The following ABTB3 variants were observed in gnomAD, a reference collection of about 807,000 sequenced individuals.
ABTB3 encodes ankyrin repeat- and BTB/POZ domain-containing protein 3.
At chr12:107,419,940 T>A in the ABTB3 span, among the ~76,000 whole-genome samples, 2 of 152,058 alleles carry the variant, frequency 1.3e-5, no homozygotes, top group Non-Finnish European at 2.9e-5. Flanking sequence ...GGCGGAGTGG[T>A]ATGGATCAAG....
chr12:107,573,375 A>G, the ABTB3 span, among the ~76,000 whole-genome samples: 1 of 152,164 alleles, frequency 6.6e-6, no homozygotes, highest in Non-Finnish European at 1.5e-5. Flanking sequence ...ATGTGTGTAC[A>G]TGTTGGCGGA....
the ABTB3 span, among the ~76,000 whole-genome samples, chr12:107,384,222 C>A: frequency 1.5e-5 from 2 of 137,700 alleles, no homozygotes; most frequent in African/African-American, 2.6e-5. Context: ...AGGTAGAAAC[C>A]AATTTTACAA....
chr12:107,412,070 G>A, the ABTB3 span, among the ~76,000 whole-genome samples: 1 of 152,172 alleles, frequency 6.6e-6, no homozygotes, highest in African/African-American at 2.4e-5. Context: ...GTTTAGGAAT[G>A]GTGGATCTTA....
the ABTB3 span, among the ~76,000 whole-genome samples, chr12:107,573,755 G>A: frequency 7.9e-5 from 12 of 152,152 alleles, no homozygotes; most frequent in African/African-American, 2.7e-4. Flanking sequence ...GTATTCGACT[G>A]GCAGAATTCT....
chr12:107,360,269 T>G, the ABTB3 span, among the ~76,000 whole-genome samples: 3 of 152,066 alleles, frequency 2.0e-5, no homozygotes, highest in African/African-American at 4.8e-5. Flanking sequence ...CAGAAAGAGA[T>G]AGTAAGTGGT....
At chr12:107,321,414 C>A in the ABTB3 span, among the ~76,000 whole-genome samples, 1 of 152,128 alleles carries the variant, frequency 6.6e-6, no homozygotes, top group Non-Finnish European at 1.5e-5. Context: ...CTGCCGCCCT[C>A]GGTCCCTTCA....
chr12:107,551,950 C>T, the ABTB3 span, among the ~76,000 whole-genome samples: 1 of 152,186 alleles, frequency 6.6e-6, no homozygotes. Flanking sequence ...TGGGGTTTCA[C>T]CATGTTGGTC....
At chr12:107,362,208 T>C in the ABTB3 span, among the ~76,000 whole-genome samples, 4 of 152,354 alleles carry the variant, frequency 2.6e-5, no homozygotes, top group South Asian at 8.3e-4. Context: ...CAGATGTAAG[T>C]ACCTACTCAT....
At chr12:107,504,666 C>G in the ABTB3 span, among the ~76,000 whole-genome samples, 1 of 152,134 alleles carries the variant, frequency 6.6e-6, no homozygotes, top group African/African-American at 2.4e-5. Context: ...TATAAATGAT[C>G]CTGGTACTCT....
At chr12:107,482,918 T>TTCTC in the ABTB3 span, among the ~76,000 whole-genome samples, 5 of 34,834 alleles carry the variant, frequency 1.4e-4, no homozygotes, top group African/African-American at 7.3e-4. Flanking sequence ...TTCTTCTTCT[T>TTCTC]TCTTTCTTTC....
chr12:107,564,138 T>TC, the ABTB3 span, among the ~76,000 whole-genome samples: 1 of 86,670 alleles, frequency 1.2e-5, no homozygotes, highest in African/African-American at 5.0e-5. Flanking sequence ...GTGTGTGTGT[T>TC]TGGCTAATCA....
the ABTB3 span, among the ~76,000 whole-genome samples, chr12:107,472,989 T>C: frequency 6.6e-6 from 1 of 152,082 alleles, no homozygotes; most frequent in Non-Finnish European, 1.5e-5. Context: ...GTCCTTGCTT[T>C]ATAGAGGAAG....
chr12:107,535,413 G>A, the ABTB3 span, among the ~76,000 whole-genome samples: 2 of 152,072 alleles, frequency 1.3e-5, no homozygotes, highest in African/African-American at 4.8e-5. Context: ...TGTACTGGAA[G>A]CCCTAACAAG....
chr12:107,641,478 C>T, the ABTB3 span, among the ~76,000 whole-genome samples: 5 of 152,166 alleles, frequency 3.3e-5, no homozygotes, highest in African/African-American at 9.7e-5. Context: ...TATTCTTAAA[C>T]ATTATCCATG....
chr12:107,642,976 C>T, the ABTB3 span, among the ~76,000 whole-genome samples: 2 of 152,286 alleles, frequency 1.3e-5, no homozygotes, highest in South Asian at 4.1e-4. Context: ...TAGAAATTCA[C>T]TCAACTCCCC....
At chr12:107,614,179 G>C in the ABTB3 span, among the ~76,000 whole-genome samples, 1 of 152,142 alleles carries the variant, frequency 6.6e-6, no homozygotes, top group Non-Finnish European at 1.5e-5. Flanking sequence ...TGGGAGAAAA[G>C]CTCCATGTGG....
chr12:107,540,646 T>C, the ABTB3 span, among the ~76,000 whole-genome samples: 2 of 152,108 alleles, frequency 1.3e-5, no homozygotes, highest in African/African-American at 2.4e-5. Context: ...AGGACTTAGA[T>C]AACATAGAGC....
At chr12:107,419,003 A>G in the ABTB3 span, among the ~76,000 whole-genome samples, 1 of 152,188 alleles carries the variant, frequency 6.6e-6, no homozygotes, top group African/African-American at 2.4e-5. Flanking sequence ...ATGCAGTTCA[A>G]AGGAGCAGGT....
At chr12:107,482,998 TTCC>T in the ABTB3 span, among the ~76,000 whole-genome samples, 2 of 120,526 alleles carry the variant, frequency 1.7e-5, no homozygotes, top group South Asian at 2.6e-4. Flanking sequence ...CCTTCCTTCC[TTCC>T]TTCCTTCTTT....
Sources: allele counts gnomAD v4.1 joint callset (sites outside exome capture counted in the v4.1 genomes callset), GRCh38; gene constraint gnomAD v4.1.1; transcripts MANE v1.5; gene names NCBI Gene and HGNC (gene_info 2026-07-23, HGNC 2026-07-21).